Variants in GMPR observed in about 807,000 individuals in gnomAD.
GMPR encodes guanosine monophosphate reductase.
A neutral mutation model predicts 38.4 loss-of-function variants in GMPR; 31 were observed. The observed-to-expected ratio is 0.81, with a 90% confidence interval of 0.61 to 1.09. The LOEUF (loss-of-function observed/expected upper bound fraction) is 1.09. Ranked by LOEUF, GMPR falls within the 50% of genes least tolerant of loss-of-function variation. The probability of loss-of-function intolerance (pLI) is 0.00; values close to 1 mark genes in which losing one functional copy is unlikely to be tolerated. For synonymous variants in GMPR, 162 were observed against 173.3 expected (o/e 0.93, Z 0.51); for missense variants, 468 against 453.7 (o/e 1.03, Z -0.29).
chr6:16,250,407 G>C (rs747398797), intron 3 of GMPR, 40 bp downstream of exon 3: 25 of 1,136,984 alleles, frequency 2.2e-5, no homozygotes, highest in Admixed American at 1.5e-4. Flanking sequence ...AGTGCTGCAG[G>C]GGGGAACAAA....
At chr6:16,266,065 T>C (rs998909061) in intron 4 of GMPR, among the ~76,000 whole-genome samples, 2 of 151,430 alleles carry the variant, frequency 1.3e-5, no homozygotes, top group African/African-American at 4.9e-5. Context: ...GTGGGAGGAA[T>C]GAACAACTCC....
chr6:16,285,772 C>T (rs1367412174), intron 6 of GMPR, 21 bp from the exon 7 acceptor site: 1 of 1,611,206 alleles, frequency 6.2e-7, no homozygotes, highest in South Asian at 1.1e-5. Flanking sequence ...ATGTCCTGTC[C>T]TTGCTTTTTC....
At position 16,289,086 on chromosome 6, in the gene GMPR, T is replaced by A. The variant is rs1047200497; in HGVS notation, c.698-1376T>A. ...TTGGGAGGGTGATTTGTTGTTTCGCTCTTTGCAATAGATTCTGTTGCTGCT... is the reference window on the plus strand; with the variant it reads ...TTGGGAGGGTGATTTGTTGTTTCGCACTTTGCAATAGATTCTGTTGCTGCT... On this transcript the variant is annotated intron_variant, in intron 7 of 8. Transcript: ENST00000259727. Among the ~76,000 whole-genome samples, 51 of 152,236 alleles carry A rather than the reference T, an allele frequency of 3.4e-4. 1 individual carries two copies. The highest frequency in any genetic ancestry group is 1.9e-4 in the Non-Finnish European group (13 of 68,044).
intron 4 of GMPR, among the ~76,000 whole-genome samples, chr6:16,267,677 G>A (rs1189122403): frequency 1.3e-5 from 2 of 152,138 alleles, no homozygotes; most frequent in East Asian, 1.9e-4. Context: ...AGAACCCACC[G>A]GAAGGAACCA....
chr6:16,242,889 TG>T (rs1758678207), intron 1 of GMPR, among the ~76,000 whole-genome samples: 1 of 152,170 alleles, frequency 6.6e-6, no homozygotes, highest in African/African-American at 2.4e-5. Context: ...TCGCCTGCCT[TG>T]GCCTCTTAAA....
chr6:16,267,326 C>T (rs371757836), intron 4 of GMPR, among the ~76,000 whole-genome samples: 1 of 151,860 alleles, frequency 6.6e-6, no homozygotes, highest in Non-Finnish European at 1.5e-5. Context: ...GAGCCGAGAT[C>T]GCGCCACTGC....
At chr6:16,293,826 AAAG>A (rs774426670) in intron 8 of GMPR, among the ~76,000 whole-genome samples, 4 of 152,216 alleles carry the variant, frequency 2.6e-5, no homozygotes, top group African/African-American at 4.8e-5. Context: ...TTCCAGCTGA[AAAG>A]AACAGCTACA....
intron 7 of GMPR, among the ~76,000 whole-genome samples, chr6:16,289,059 C>T (rs924712868): frequency 4.2e-4 from 64 of 152,156 alleles, no homozygotes; most frequent in Non-Finnish European, 4.3e-4. Flanking sequence ...GGCTCCTTTT[C>T]TTTGGGAGGG....
At position 16,294,997 on chromosome 6, in the gene GMPR, G is replaced by C. The variant is rs373964113; in HGVS notation, c.858-9G>C. 6.2e-7 allele frequency: 1 copy of C among 1,602,106 alleles called. No individual in the cohort carries two copies. The highest frequency in any genetic ancestry group is 8.5e-7 in the Non-Finnish European group (1 of 1,173,286). On this transcript the variant is annotated splice_polypyrimidine_tract_variant and intron_variant, in intron 8 of 8. Coordinates refer to ENST00000259727, the MANE Select transcript of GMPR (RefSeq NM_006877.4). The stretch of plus-strand genomic sequence containing the variant: ...ACTAGATAAAAAGAAAACTTCTATC[G>C]TCTTCCAGAGCCTCTGAGGGTAAGA...
At chr6:16,265,910 G>GC (rs1759194621) in intron 4 of GMPR, among the ~76,000 whole-genome samples, 1 of 152,196 alleles carries the variant, frequency 6.6e-6, no homozygotes, top group South Asian at 2.1e-4. Context: ...GCAAAGATGT[G>GC]CAGTTTCACT....
intron 6 of GMPR, 24 bp downstream of exon 6, chr6:16,278,914 G>C: frequency 1.3e-6 from 2 of 1,484,820 alleles, no homozygotes; most frequent in Non-Finnish European, 1.9e-6. Flanking sequence ...CGGGGCTGAG[G>C]CTGGGGTGTC....
chr6:16,265,858 C>T (rs1759191623), intron 4 of GMPR, among the ~76,000 whole-genome samples: 1 of 152,242 alleles, frequency 6.6e-6, no homozygotes, highest in South Asian at 2.1e-4. Context: ...CTGCTGCTCG[C>T]TCTTTGGGTC....
At chr6:16,291,097 A>G (rs1483013460) in intron 8 of GMPR, among the ~76,000 whole-genome samples, 1 of 152,226 alleles carries the variant, frequency 6.6e-6, no homozygotes, top group Non-Finnish European at 1.5e-5. Flanking sequence ...TGCTGCATAC[A>G]GCTCATACCG....
At chr6:16,266,683 C>T (rs1237312055) in intron 4 of GMPR, among the ~76,000 whole-genome samples, 3 of 151,144 alleles carry the variant, frequency 2.0e-5, no homozygotes, top group Non-Finnish European at 4.4e-5. Context: ...CAGTGGCGGG[C>T]GCCTGTAGTC....
intron 4 of GMPR, chr6:16,257,881 T>C (rs1759009954): frequency 6.6e-6 from 1 of 152,222 alleles, no homozygotes; most frequent in Non-Finnish European, 1.5e-5. Context: ...TGCCATTGGA[T>C]TGAAGATTCA....
intron 1 of GMPR, among the ~76,000 whole-genome samples, chr6:16,242,411 C>CT (rs765188634): frequency 1.3e-5 from 2 of 150,784 alleles, no homozygotes; most frequent in Non-Finnish European, 2.9e-5. Context: ...TACTTGGTGG[C>CT]TTAAGTAACA....
chr6:16,260,862 C>T (rs55810140), intron 4 of GMPR, among the ~76,000 whole-genome samples: 4,913 of 151,532 alleles, frequency 0.032, 224 homozygotes, highest in East Asian at 0.13. Flanking sequence ...TCAGGAATAA[C>T]GTGGGAGGGT....
intron 7 of GMPR, among the ~76,000 whole-genome samples, chr6:16,286,480 T>C (rs1326822439): frequency 2.0e-5 from 3 of 151,208 alleles, no homozygotes; most frequent in Non-Finnish European, 4.4e-5. Flanking sequence ...GAATGTGAAA[T>C]GGGCGTTGTG....
At chr6:16,265,036 C>A (rs116436202) in intron 4 of GMPR, among the ~76,000 whole-genome samples, 1 of 152,220 alleles carries the variant, frequency 6.6e-6, no homozygotes, top group African/African-American at 2.4e-5. Flanking sequence ...TGGTGGCTTT[C>A]AGGGAGGAAA....
Sources: gnomAD v4.1 joint callset for allele counts (sites outside exome capture counted in the v4.1 genomes callset) on GRCh38, gnomAD v4.1.1 for gene constraint, MANE v1.5 for transcripts, NCBI Gene and HGNC (gene_info 2026-07-23, HGNC 2026-07-21) for gene names.